The following PCNT variants were observed in gnomAD, a reference collection of about 807,000 sequenced individuals.
The protein encoded by PCNT is kendrin.
Under a neutral mutation model 380.4 loss-of-function variants are expected in PCNT, and 319 were observed. That is an observed-to-expected ratio of 0.84 (90% CI 0.77 to 0.92). The LOEUF (loss-of-function observed/expected upper bound fraction) is 0.92, where lower values mean the gene tolerates loss of function less well. Among genes scored for constraint, PCNT ranks in the 40% least tolerant of loss-of-function variants. PCNT has a pLI of 0.00. For synonymous variants in PCNT, 1,845 were observed against 1,735.2 expected (o/e 1.06, Z -1.57); for missense variants, 4,400 against 4,255.3 (o/e 1.03, Z -0.95).
intron 2 of PCNT, among the ~76,000 whole-genome samples, chr21:46,330,632 G>GT (rs35958157): frequency 0.043 from 6,559 of 152,044 alleles, 209 homozygotes; most frequent in Non-Finnish European, 0.066. Flanking sequence ...CTAAAAAGGA[G>GT]TTTTTTTCAT....
intron 3 of PCNT, among the ~76,000 whole-genome samples, chr21:46,344,537 C>T (rs952507148): frequency 2.6e-5 from 4 of 152,250 alleles, no homozygotes; most frequent in Admixed American, 6.5e-5. Context: ...AAGCCTGTAT[C>T]TCTCCATCCC....
rs766313643 is a variant in PCNT at position 46,346,895 on chromosome 21, G to T, written c.873G>T (p.Glu291Asp). Residue 291 changes from glutamate to aspartate, a missense_variant, in exon 5 of 47, where the codon GAG becomes GAT. Transcript: ENST00000359568. ...REMLNSRRAQ[E>D]LALLQSRQQH... is the part of the protein sequence containing the mutation. ...TGCTCAACAGCCGGCGTGCCCAGGA[G>T]CTGGCCCTGCTACAGAGCAGGCAGC... is the stretch of plus-strand genomic sequence containing the variant. The T allele has an allele frequency of 1.0e-5, 16 of 1,605,392 alleles. No homozygotes were observed. Among genetic ancestry groups the T allele is most frequent in the Non-Finnish European group, 1.4e-5 (16 of 1,177,024 alleles).
chr21:46,383,041 TGC>T (rs2085641218), intron 16 of PCNT, among the ~76,000 whole-genome samples: 1 of 145,970 alleles, frequency 6.9e-6, no homozygotes, highest in Non-Finnish European at 1.5e-5. Context: ...TTCACAGTGC[TGC>T]GCATTCAGCA....
At position 46,431,554 on chromosome 21, in the gene PCNT, A is replaced by G. The variant is rs745465000; in HGVS notation, c.8090A>G (p.Gln2697Arg). 10 of 1,614,072 alleles carry G rather than the reference A, an allele frequency of 6.2e-6. No individual in the cohort carries two copies. Among genetic ancestry groups the G allele is most frequent in the Non-Finnish European group, 8.5e-6 (10 of 1,179,972 alleles). ...GAGCTGCGGGCGTCTTTGGAGACACAGCGTGCTCAGAGCAGTCGACTCTGC... is the reference window on the plus strand; with the variant it reads ...GAGCTGCGGGCGTCTTTGGAGACACGGCGTGCTCAGAGCAGTCGACTCTGC... ...LEELRASLET[Q>R]RAQSSRLCVA... is the part of the protein sequence containing the mutation. Residue 2697 changes from glutamine to arginine, a missense_variant, in exon 38 of 47, where the codon CAG becomes CGG. Coordinates refer to ENST00000359568, the MANE Select transcript of PCNT (RefSeq NM_006031.6).
intron 45 of PCNT, among the ~76,000 whole-genome samples, chr21:46,444,337 G>A (rs897781287): frequency 6.6e-6 from 1 of 152,198 alleles, no homozygotes; most frequent in African/African-American, 2.4e-5. Context: ...AGGAAGGACA[G>A]CTGAGGTGAG....
intron 2 of PCNT, among the ~76,000 whole-genome samples, chr21:46,329,233 C>T (rs1385048795): frequency 6.6e-6 from 1 of 152,214 alleles, no homozygotes; most frequent in Non-Finnish European, 1.5e-5. Context: ...CCTGATTAAA[C>T]ACTCATACTT....
intron 3 of PCNT, among the ~76,000 whole-genome samples, chr21:46,340,361 A>G (rs1238808308): frequency 6.6e-6 from 1 of 152,180 alleles, no homozygotes; most frequent in Non-Finnish European, 1.5e-5. Flanking sequence ...TCACATACGT[A>G]TAGCTCAGCC....
At chr21:46,419,894 C>T (rs1403659837) in intron 31 of PCNT, among the ~76,000 whole-genome samples, 1 of 152,238 alleles carries the variant, frequency 6.6e-6, no homozygotes, top group Non-Finnish European at 1.5e-5. Context: ...GCATGAGCCA[C>T]TGCGCCTGGC....
At chr21:46,351,258 G>A (rs376536805) in intron 8 of PCNT, among the ~76,000 whole-genome samples, 171 bp from the exon 9 acceptor site, 6 of 152,258 alleles carry the variant, frequency 3.9e-5, no homozygotes, top group African/African-American at 9.6e-5. Flanking sequence ...CTCTTGTCAC[G>A]GACAGAGCTC....
Position 46,432,138 on chromosome 21 carries a change from AGGAGGAGCGC to A in PCNT, c.8680_8689del (p.Ser2894ProfsTer24), listed in dbSNP as rs1289448496. On this transcript the variant is annotated frameshift_variant, in exon 38 of 47. Transcript: ENST00000359568. LOFTEE classifies it high-confidence loss of function. The stretch of plus-strand genomic sequence containing the variant: ...AGAGCAAGAAGGACGCAAGGCTGCG[AGGAGGAGCGC>A]GGAGGCCAGGCAGAGCCCAGCGGCT... 6 of 1,613,888 alleles carry A rather than the reference AGGAGGAGCGC, an allele frequency of 3.7e-6. No homozygotes were observed. Among genetic ancestry groups the A allele is most frequent in the Admixed American group, 1.7e-5 (1 of 60,008 alleles).
intron 40 of PCNT, among the ~76,000 whole-genome samples, chr21:46,437,348 G>A (rs927273572): frequency 1.2e-4 from 15 of 124,178 alleles, no homozygotes; most frequent in Non-Finnish European, 2.1e-4. Context: ...TGTGGTCTTC[G>A]GGGGCTGAGC....
intron 44 of PCNT, chr21:46,443,274 A>G (rs934383209): frequency 6.1e-5 from 10 of 164,506 alleles, no homozygotes; most frequent in Admixed American, 1.7e-4. Flanking sequence ...CTCGAGTGCA[A>G]TGGCACAGTC....
intron 9 of PCNT, 115 bp downstream of exon 9, chr21:46,351,655 AC>A (rs1424047529): frequency 1.3e-6 from 1 of 743,938 alleles, no homozygotes; most frequent in African/African-American, 1.7e-5. Flanking sequence ...AAGTGGATTT[AC>A]CTGTTTGACA....
Position 46,416,373 on chromosome 21 carries a change from C to G in PCNT, c.6455C>G (p.Ala2152Gly). Residue 2152 changes from alanine to glycine, a missense_variant, in exon 30 of 47, where the codon GCC becomes GGC. Coordinates refer to ENST00000359568, the MANE Select transcript of PCNT (RefSeq NM_006031.6). ...AATCAGGCCATAGACGCGTGTGATG[C>G]CAATACAACCCCAGGGGGTGTAACT... ...IKNQAIDACDANTTPGGVTDV... is the reference protein window; with the variant it reads ...IKNQAIDACDGNTTPGGVTDV... 1.2e-6 allele frequency: 2 copies of G among 1,614,086 alleles called. No individual in the cohort carries two copies. The highest frequency in any genetic ancestry group is 1.3e-5 in the African/African-American group (1 of 75,014).
intron 2 of PCNT, among the ~76,000 whole-genome samples, chr21:46,328,709 C>T (rs2083465411): frequency 6.6e-6 from 1 of 151,988 alleles, no homozygotes; most frequent in Admixed American, 6.6e-5. Context: ...AATCCACCCA[C>T]CTTGGCCTCC....
chr21:46,414,556 C>T (rs1480583719), intron 29 of PCNT, among the ~76,000 whole-genome samples: 2 of 147,990 alleles, frequency 1.4e-5, no homozygotes, highest in East Asian at 2.0e-4. Context: ...CCTGGACATG[C>T]AGCCGCCCAC....
At chr21:46,375,155 C>CCCCTG (rs1360948655) in intron 15 of PCNT, among the ~76,000 whole-genome samples, 2 of 152,168 alleles carry the variant, frequency 1.3e-5, no homozygotes, top group African/African-American at 2.4e-5. Flanking sequence ...CCATAAGATT[C>CCCCTG]CCCTGCCCTG....
Position 46,444,714 on chromosome 21 carries a change from C to G in PCNT, c.9860C>G (p.Ser3287Ter). The change falls in exon 46 of 47, where the codon TCA becomes TGA. Residue 3287 changes from serine to a stop codon, truncating the protein, a stop_gained. Coordinates refer to ENST00000359568, the MANE Select transcript of PCNT (RefSeq NM_006031.6). LOFTEE classifies it high-confidence loss of function. Reference protein sequence around the residue: ...SGGRATPSPNSRLERSLTASQ... With the variant: ...SGGRATPSPN ...TGAAGAGCCACTCCATCCCCAAATT[C>G]AAGATTAGAAAGATCCCTGACTGCT... The G allele has an allele frequency of 1.9e-6, 3 of 1,609,376 alleles. No homozygotes were observed. Among genetic ancestry groups the G allele is most frequent in the Non-Finnish European group, 1.7e-6 (2 of 1,177,796 alleles).
rs375033930 is a variant in PCNT at position 46,364,859 on chromosome 21, C to G, written c.2609+925C>G. Among the ~76,000 whole-genome samples, 5 of 152,228 alleles carry G rather than the reference C, an allele frequency of 3.3e-5. No homozygotes were observed. The East Asian group carries it at 9.6e-4, about 29-fold the overall frequency. The stretch of plus-strand genomic sequence containing the variant: ...GCAGGACGCTCTTCTCACCAGGCTA[C>G]GACATGCAGTTCGTGGTAGAGCTGA... On this transcript the variant is annotated intron_variant, in intron 14 of 46. Coordinates refer to ENST00000359568, the MANE Select transcript of PCNT (RefSeq NM_006031.6).
Sources: allele counts gnomAD v4.1 joint callset (sites outside exome capture counted in the v4.1 genomes callset), GRCh38; gene constraint gnomAD v4.1.1; transcripts MANE v1.5; gene names NCBI Gene and HGNC (gene_info 2026-07-23, HGNC 2026-07-21).